Variants in PCDHGB1 observed in about 807,000 individuals in gnomAD.
The protein encoded by PCDHGB1 is protocadherin gamma subfamily B, 1.
In PCDHGB1, 34 loss-of-function variants were observed where a neutral mutation model predicts 56.6. That is an observed-to-expected ratio of 0.60 (90% CI 0.46 to 0.80). The LOEUF (loss-of-function observed/expected upper bound fraction) is 0.80, where lower values mean the gene tolerates loss of function less well. PCDHGB1 is among the 30% of genes least tolerant of loss of function. The probability of loss-of-function intolerance (pLI) is 0.00; values close to 1 mark genes in which losing one functional copy is unlikely to be tolerated. For synonymous variants in PCDHGB1, 561 were observed against 505.9 expected (o/e 1.11, Z -1.46); for missense variants, 1,278 against 1,204.6 (o/e 1.06, Z -0.90).
intron 1 of PCDHGB1, chr5:141,413,152 G>C: frequency 1.3e-6 from 2 of 1,574,694 alleles, no homozygotes; most frequent in Non-Finnish European, 1.7e-6. Flanking sequence ...TGAGGACTTT[G>C]CAGAATTCTG....
intron 1 of PCDHGB1, among the ~76,000 whole-genome samples, chr5:141,444,473 G>A (rs943971075): frequency 2.6e-5 from 4 of 151,972 alleles, no homozygotes; most frequent in Admixed American, 6.6e-5. Flanking sequence ...GCCCGGTCGC[G>A]TACTGGATTT....
intron 1 of PCDHGB1, chr5:141,409,586 G>C: frequency 6.2e-7 from 1 of 1,613,908 alleles, no homozygotes; most frequent in Non-Finnish European, 8.5e-7. Flanking sequence ...GGTCCACGTG[G>C]CCGAGAACAA....
At position 141,512,161 on chromosome 5, in the gene PCDHGB1, G is replaced by A. The variant is rs1176664723; in HGVS notation, c.*988G>A. On this transcript the variant is annotated 3_prime_UTR_variant, in exon 4 of 4. Transcript: ENST00000523390. ...AGCCAGCTTTGGGCTGAGCTAACAGGACCAATGGATTAAACTGGCATTTCA... is the reference window on the plus strand; with the variant it reads ...AGCCAGCTTTGGGCTGAGCTAACAGAACCAATGGATTAAACTGGCATTTCA... The A allele has an allele frequency of 6.5e-6, 1 of 152,704 alleles. No homozygotes were observed. Among genetic ancestry groups the A allele is most frequent in the African/African-American group, 2.4e-5 (1 of 41,440 alleles). 9.5% of individuals were successfully genotyped at this position (152,704 alleles called of 1,614,324 possible). A position where few individuals can be genotyped will look rare whatever the true frequency, so the allele number is the denominator to read the frequency against.
At chr5:141,404,855 A>G (rs370062374) in intron 1 of PCDHGB1, 13 of 1,613,704 alleles carry the variant, frequency 8.1e-6, no homozygotes, top group African/African-American at 2.7e-5. Flanking sequence ...CCTGCTAGAT[A>G]GAGATGCGCT....
In PCDHGB1 at chr5:141,486,042, G is replaced by A; in HGVS notation, c.2410-8765G>A. The A allele has an allele frequency of 6.2e-7, 1 of 1,614,180 alleles. No individual in the cohort carries two copies. The highest frequency in any genetic ancestry group is 8.5e-7 in the Non-Finnish European group (1 of 1,180,030). On this transcript the variant is annotated intron_variant, in intron 1 of 3. Coordinates refer to ENST00000523390, the MANE Select transcript of PCDHGB1 (RefSeq NM_018922.3). This position sits in a 1 kb window ranked among gnomAD's most constrained non-coding sequence, Gnocchi z 5.0. The stretch of plus-strand genomic sequence containing the variant: ...AGTGGTCATACCCCTGATCGTGTAA[G>A]AAACCTCTTTAGCCTGCACCCCACT...
intron 1 of PCDHGB1, among the ~76,000 whole-genome samples, chr5:141,380,312 T>C (rs1776368746): frequency 6.6e-6 from 1 of 152,162 alleles, no homozygotes; most frequent in Middle Eastern, 3.2e-3. Context: ...TGCTTGAGAA[T>C]GAAAATCTAA....
chr5:141,453,266 A>G (rs1322091044), intron 1 of PCDHGB1, among the ~76,000 whole-genome samples: 4 of 151,838 alleles, frequency 2.6e-5, no homozygotes. Flanking sequence ...AGTGCACACC[A>G]CCATGACTGG....
intron 1 of PCDHGB1, among the ~76,000 whole-genome samples, chr5:141,474,061 T>A (rs2099339173): frequency 1.3e-5 from 2 of 152,058 alleles, no homozygotes; most frequent in Admixed American, 6.6e-5. Flanking sequence ...CAGAGCGAGA[T>A]CCTGCCTCAG....
chr5:141,460,686 C>A (rs2098995566), intron 1 of PCDHGB1, among the ~76,000 whole-genome samples: 1 of 151,698 alleles, frequency 6.6e-6, no homozygotes, highest in Admixed American at 6.6e-5. Context: ...TCTATATATC[C>A]ACCAACAGTT....
At chr5:141,388,333 C>G (rs962073146) in intron 1 of PCDHGB1, 1 of 1,613,738 alleles carries the variant, frequency 6.2e-7, no homozygotes, top group African/African-American at 1.3e-5. Flanking sequence ...CAGCCTGGCA[C>G]ACGATTTATA....
chr5:141,429,955 A>G (rs971940539), intron 1 of PCDHGB1, among the ~76,000 whole-genome samples: 1 of 152,202 alleles, frequency 6.6e-6, no homozygotes, highest in Non-Finnish European at 1.5e-5. Context: ...TTTCCAGTCA[A>G]TGCAAGTTGG....
At chr5:141,364,496 C>A in intron 1 of PCDHGB1, 3 of 1,613,998 alleles carry the variant, frequency 1.9e-6, no homozygotes, top group South Asian at 2.2e-5. Flanking sequence ...TGGGCTGGAG[C>A]CCCAGGAGCT....
chr5:141,510,633 TACCA>T (rs2099882032), intron 3 of PCDHGB1, among the ~76,000 whole-genome samples: 1 of 152,110 alleles, frequency 6.6e-6, no homozygotes, highest in Admixed American at 6.6e-5. Flanking sequence ...AAGAGGTGGT[TACCA>T]TTATCATCCC....
At chr5:141,430,911 A>T (rs544678317) in intron 1 of PCDHGB1, 4 of 1,607,840 alleles carry the variant, frequency 2.5e-6, no homozygotes, top group Non-Finnish European at 3.4e-6. Context: ...ATCTCCAGGG[A>T]CCTGGGGCTG....
chr5:141,350,972 G>A lies in PCDHGB1; in HGVS notation c.712G>A (p.Val238Met), dbSNP rs956940005. The A allele has an allele frequency of 6.2e-7, 1 of 1,614,038 alleles. No individual in the cohort carries two copies. Among genetic ancestry groups the A allele is most frequent in the South Asian group, 1.1e-5 (1 of 91,084 alleles). Residue 238 changes from valine to methionine, a missense_variant, in exon 1 of 4, where the codon GTG (valine) becomes ATG (methionine). Coordinates refer to ENST00000523390, the MANE Select transcript of PCDHGB1 (RefSeq NM_018922.3). ...TACGGATGCCAATGATAATGCTCCCGTGTTTAGCCAGGAGGTATACAGGGT... is the reference window on the plus strand; with the variant it reads ...TACGGATGCCAATGATAATGCTCCCATGTTTAGCCAGGAGGTATACAGGGT... ...RVTDANDNAPVFSQEVYRVSL... is the reference protein window; with the variant it reads ...RVTDANDNAPMFSQEVYRVSL...
At chr5:141,371,443 C>T in intron 1 of PCDHGB1, 1 of 1,613,978 alleles carries the variant, frequency 6.2e-7, no homozygotes, top group Non-Finnish European at 8.5e-7. Flanking sequence ...ATAACCCTGG[C>T]TTCTGAATCC....
intron 1 of PCDHGB1, chr5:141,366,971 C>A: frequency 1.7e-6 from 1 of 573,096 alleles, no homozygotes; most frequent in Non-Finnish European, 2.8e-6. Flanking sequence ...GAAACAAATA[C>A]CTTAAAGGAA....
chr5:141,384,674 T>C (rs748841666), intron 1 of PCDHGB1: 9 of 1,614,038 alleles, frequency 5.6e-6, no homozygotes, highest in Non-Finnish European at 8.5e-7. Context: ...ACCAAGGTGG[T>C]GGCGGTGGAC....
chr5:141,394,741 T>G (rs767167411), intron 1 of PCDHGB1: 5 of 1,613,414 alleles, frequency 3.1e-6, no homozygotes, highest in Non-Finnish European at 4.2e-6. Context: ...CAGAGCCTCG[T>G]GGTGGCCGTC....
Sources: gnomAD v4.1 joint callset for allele counts (sites outside exome capture counted in the v4.1 genomes callset) on GRCh38, gnomAD v4.1.1 for gene constraint, Gnocchi (gnomAD v3.1) non-coding constraint, MANE v1.5 for transcripts, NCBI Gene and HGNC (gene_info 2026-07-23, HGNC 2026-07-21) for gene names.